The following HDAC9 variants were observed in gnomAD, a reference collection of about 807,000 sequenced individuals.
HDAC9 encodes the protein histone deacetylase 9, also known as MEF-2 interacting transcription repressor (MITR) protein.
Under a neutral mutation model 139.4 loss-of-function variants are expected in HDAC9, and 41 were observed. The observed-to-expected ratio is 0.29, with a 90% CI of 0.23 to 0.38. The LOEUF (loss-of-function observed/expected upper bound fraction) is 0.38. Ranked by LOEUF, HDAC9 falls within the 10% of genes least tolerant of loss-of-function variation. HDAC9 has a pLI of 1.00. For missense variants in HDAC9, 1,147 were observed against 1,297.0 expected (o/e 0.88, Z 1.78); for synonymous variants, 517 against 476.2 (o/e 1.09, Z -1.12).
intron 21 of HDAC9, among the ~76,000 whole-genome samples, chr7:18,850,394 A>G (rs1037058264): frequency 6.6e-6 from 1 of 152,184 alleles, no homozygotes; most frequent in Non-Finnish European, 1.5e-5. Context: ...AAGTGTGACA[A>G]TGTCCTTCCA....
At chr7:18,853,011 A>G (rs1797416788) in intron 21 of HDAC9, among the ~76,000 whole-genome samples, 1 of 151,958 alleles carries the variant, frequency 6.6e-6, no homozygotes, top group African/African-American at 2.4e-5. Context: ...GGGAGCGCAC[A>G]CTCTTCTTTT....
upstream of HDAC9, chr7:18,495,745 G>A (rs1321524629): frequency 3.0e-6 from 3 of 989,714 alleles, no homozygotes; most frequent in Non-Finnish European, 3.6e-6. Flanking sequence ...GACTGAGAAA[G>A]GGGGAAGAGA....
intron 6 of HDAC9, among the ~76,000 whole-genome samples, chr7:18,595,956 A>T (rs1832358875): frequency 6.6e-6 from 1 of 151,986 alleles, no homozygotes. Context: ...TCCACAACAC[A>T]ATTTAAAAAG....
intron 1 of HDAC9, among the ~76,000 whole-genome samples, chr7:18,295,468 T>C (rs768059004): frequency 1.3e-5 from 2 of 152,168 alleles, no homozygotes; most frequent in Admixed American, 6.5e-5. Context: ...CTAATCAGTT[T>C]TACTGTTGAC....
At chr7:18,728,711 T>G (rs1178129) in intron 13 of HDAC9, among the ~76,000 whole-genome samples, 27,066 of 152,120 alleles carry the variant, frequency 0.18, 2,843 homozygotes, top group East Asian at 0.42. Flanking sequence ...GTGGCTTCTG[T>G]GACCTCATGC....
intron 2 of HDAC9, among the ~76,000 whole-genome samples, chr7:18,190,973 C>A (rs551519327): frequency 2.0e-5 from 3 of 152,288 alleles, no homozygotes; most frequent in East Asian, 3.9e-4. Context: ...TACTTGAATA[C>A]TATTAAGTGA....
At chr7:18,819,655 T>A (rs948650626) in intron 17 of HDAC9, among the ~76,000 whole-genome samples, 7 of 152,202 alleles carry the variant, frequency 4.6e-5, no homozygotes, top group African/African-American at 1.7e-4. Context: ...AGGAGAAACA[T>A]CCATAACACC....
chr7:18,627,401 A>G (rs1841995085), intron 6 of HDAC9, among the ~76,000 whole-genome samples: 1 of 152,220 alleles, frequency 6.6e-6, no homozygotes, highest in Admixed American at 6.5e-5. Flanking sequence ...GTTAGCACCT[A>G]GGGATTCATG....
chr7:18,251,762 G>T (rs1322222024), intron 2 of HDAC9, among the ~76,000 whole-genome samples: 1 of 151,886 alleles, frequency 6.6e-6, no homozygotes, highest in African/African-American at 2.4e-5. Context: ...TCCATTTAAT[G>T]CATGTTCTTT....
chr7:18,279,516 TGC>T (rs1363670691), intron 2 of HDAC9, among the ~76,000 whole-genome samples: 2 of 151,674 alleles, frequency 1.3e-5, no homozygotes, highest in African/African-American at 2.4e-5. Flanking sequence ...CAGGCTGGAG[TGC>T]GCAGTGGCGT....
At chr7:18,386,607 C>T (rs141456998) in intron 1 of HDAC9, among the ~76,000 whole-genome samples, 1 of 152,164 alleles carries the variant, frequency 6.6e-6, no homozygotes, top group Non-Finnish European at 1.5e-5. Context: ...CTTACAAGAA[C>T]ATCGCATGTA....
chr7:18,818,421 A>G (rs531570995), intron 17 of HDAC9, among the ~76,000 whole-genome samples: 131 of 152,348 alleles, frequency 8.6e-4, no homozygotes, highest in African/African-American at 3.1e-3. Flanking sequence ...AGTTATATTT[A>G]TAAAACTTAA....
chr7:18,985,640 G>A (rs533911443), intron 25 of HDAC9, among the ~76,000 whole-genome samples: 1 of 144,476 alleles, frequency 6.9e-6, no homozygotes, highest in Non-Finnish European at 1.5e-5. Flanking sequence ...CTGAGGAATC[G>A]CCACACTGAC....
intron 22 of HDAC9, among the ~76,000 whole-genome samples, chr7:18,925,468 C>T (rs2129300241): frequency 6.6e-6 from 1 of 152,210 alleles, no homozygotes; most frequent in South Asian, 2.1e-4. Flanking sequence ...ACTATGCCTT[C>T]ATTGCCAGCA....
intron 1 of HDAC9, among the ~76,000 whole-genome samples, chr7:18,356,393 A>G (rs1163995517): frequency 1.6e-5 from 2 of 127,048 alleles, no homozygotes; most frequent in African/African-American, 3.1e-5. Context: ...TTTAAAGACA[A>G]CAAACTTGTA....
intron 1 of HDAC9, among the ~76,000 whole-genome samples, chr7:18,354,846 A>G (rs759577704): frequency 2.6e-5 from 4 of 152,160 alleles, no homozygotes; most frequent in Non-Finnish European, 5.9e-5. Flanking sequence ...GACAGTCAAC[A>G]CATCGGGGCA....
rs544227780 is a variant in HDAC9 at position 18,617,453 on chromosome 7, A to G, written c.665-11897A>G. ...TTTCCCATTCACACAAGCCATTCTC[A>G]TCTGGTTTTCCAGATGCTCCTTGCT... On this transcript the variant is annotated intron_variant, in intron 6 of 25. Transcript: ENST00000686413. 5.6e-3 allele frequency among the ~76,000 whole-genome samples: 854 copies of G among 152,258 alleles called. 12 individuals carry two copies. Among genetic ancestry groups the G allele is most frequent in the African/African-American group, 0.02 (817 of 41,552 alleles).
At chr7:18,761,788 T>C (rs1562922337) in intron 14 of HDAC9, among the ~76,000 whole-genome samples, 1 of 152,194 alleles carries the variant, frequency 6.6e-6, no homozygotes, top group Non-Finnish European at 1.5e-5. Flanking sequence ...TAACAACTTC[T>C]TTGGGTAAGT....
At chr7:18,189,274 G>A (rs1207562848) in intron 2 of HDAC9, among the ~76,000 whole-genome samples, 3 of 150,590 alleles carry the variant, frequency 2.0e-5, no homozygotes, top group South Asian at 4.3e-4. Context: ...GTTCTCACTC[G>A]TAAGCAGGAG....
Sources: allele counts gnomAD v4.1 joint callset (sites outside exome capture counted in the v4.1 genomes callset), GRCh38; gene constraint gnomAD v4.1.1; transcripts MANE v1.5; gene names NCBI Gene and HGNC (gene_info 2026-07-23, HGNC 2026-07-21).